The following LUZP2 variants were observed in gnomAD, a reference collection of about 807,000 sequenced individuals.
The protein encoded by LUZP2 is leucine zipper protein 2.
In LUZP2, 52 loss-of-function variants were observed where a neutral mutation model predicts 51.6. That is an observed-to-expected ratio of 1.01 (90% confidence interval 0.81 to 1.27). LUZP2 has a LOEUF of 1.27. LUZP2 is among the 50% of genes most tolerant of loss of function. The pLI, the probability that LUZP2 is intolerant of heterozygous loss-of-function variation, is 0.00. For missense variants in LUZP2, 436 were observed against 395.4 expected (o/e 1.10, Z -0.87); for synonymous variants, 154 against 137.3 (o/e 1.12, Z -0.85).
At chr11:24,612,027 T>C (rs1199410730) in intron 1 of LUZP2, among the ~76,000 whole-genome samples, 1 of 152,136 alleles carries the variant, frequency 6.6e-6, no homozygotes, top group Non-Finnish European at 1.5e-5. Context: ...TGAAAAAATG[T>C]GAGCAAGAGA....
At chr11:24,940,987 GA>G (rs1854731408) in intron 7 of LUZP2, among the ~76,000 whole-genome samples, 1 of 152,108 alleles carries the variant, frequency 6.6e-6, no homozygotes, top group South Asian at 2.1e-4. Flanking sequence ...GACAGAAATA[GA>G]AAAATAAAGT....
chr11:24,798,612 A>T (rs1240770535), intron 5 of LUZP2, among the ~76,000 whole-genome samples: 1 of 151,328 alleles, frequency 6.6e-6, no homozygotes, highest in Non-Finnish European at 1.5e-5. Flanking sequence ...AGGGACATTT[A>T]GTCTAGAGAT....
chr11:24,731,802 A>G (rs1858723280), intron 2 of LUZP2, among the ~76,000 whole-genome samples: 1 of 151,842 alleles, frequency 6.6e-6, no homozygotes, highest in Non-Finnish European at 1.5e-5. Flanking sequence ...CCTGCAGAGA[A>G]CACAGTAAAA....
At position 24,946,840 on chromosome 11, in the gene LUZP2, T is replaced by C. The variant is rs12577578; in HGVS notation, c.523-29751T>C. Among the ~76,000 whole-genome samples the C allele has an allele frequency of 6.2e-3, 937 of 152,158 alleles. 16 individuals are homozygous for C. The highest frequency in any genetic ancestry group is 0.06 in the East Asian group (310 of 5,186). On this transcript the variant is annotated intron_variant, in intron 7 of 11. Coordinates refer to ENST00000336930, the MANE Select transcript of LUZP2 (RefSeq NM_001009909.4). ...ACTCCAATTTAGCTATTTTTCAATGTCTTCTGTGTGCTATTATTGTCAAAT... is the reference window on the plus strand; with the variant it reads ...ACTCCAATTTAGCTATTTTTCAATGCCTTCTGTGTGCTATTATTGTCAAAT...
intron 9 of LUZP2, among the ~76,000 whole-genome samples, chr11:25,016,069 C>T (rs545239074): frequency 5.9e-5 from 9 of 151,800 alleles, no homozygotes; most frequent in African/African-American, 2.2e-4. Context: ...TACAGGCGCT[C>T]GCCACCACGC....
chr11:24,890,605 A>G lies in LUZP2; in HGVS notation c.397-15386A>G, dbSNP rs574063835. 1.8e-4 allele frequency among the ~76,000 whole-genome samples: 27 copies of G among 152,256 alleles called. 1 individual carries two copies. The South Asian group carries it at 5.2e-3, about 29-fold the overall frequency. ...TGGGGGAGCATTAAAGAGGATCATC[A>G]AAAGTTCTCATACATGAATTCCTAA... On this transcript the variant is annotated intron_variant, in intron 5 of 11. Transcript: ENST00000336930.
chr11:24,679,331 T>C (rs889412888), intron 1 of LUZP2, among the ~76,000 whole-genome samples: 1 of 152,156 alleles, frequency 6.6e-6, no homozygotes, highest in Non-Finnish European at 1.5e-5. Flanking sequence ...ACAATAATAA[T>C]GTAGAGAAGT....
At chr11:24,680,839 C>T (rs1856709140) in intron 1 of LUZP2, among the ~76,000 whole-genome samples, 1 of 152,194 alleles carries the variant, frequency 6.6e-6, no homozygotes. Flanking sequence ...GGATAATCTA[C>T]CTGACTTCAA....
intron 1 of LUZP2, among the ~76,000 whole-genome samples, chr11:24,658,751 G>A (rs1812610815): frequency 6.6e-6 from 1 of 152,094 alleles, no homozygotes; most frequent in African/African-American, 2.4e-5. Context: ...CCATCAAAAA[G>A]TCAATGAAGG....
At chr11:24,604,882 G>C (rs1368278458) in intron 1 of LUZP2, among the ~76,000 whole-genome samples, 3 of 151,768 alleles carry the variant, frequency 2.0e-5, no homozygotes, top group Admixed American at 1.3e-4. Context: ...GGTGTGCTAT[G>C]TCTAATATGC....
chr11:24,774,333 TC>T (rs1450783340), intron 5 of LUZP2, among the ~76,000 whole-genome samples: 1 of 14,734 alleles, frequency 6.8e-5, no homozygotes, highest in African/African-American at 2.6e-4. Flanking sequence ...TTAGTAAACT[TC>T]TCTCTCTCTC....
Position 25,015,803 on chromosome 11 carries a change from T to C in LUZP2, c.765+32510T>C, listed in dbSNP as rs80032423. Among the ~76,000 whole-genome samples the C allele has an allele frequency of 7.8e-3, 1,188 of 152,236 alleles. 34 individuals carry two copies. The East Asian group carries it at 0.099, about 13-fold the overall frequency. On this transcript the variant is annotated intron_variant, in intron 9 of 11. Transcript: ENST00000336930. ...AGTTACTATGATTCTTGTCCAATTG[T>C]TTTTCATTTACTATGTATTTACTTC...
intron 7 of LUZP2, among the ~76,000 whole-genome samples, chr11:24,918,213 T>C (rs985886499): frequency 3.3e-5 from 5 of 152,166 alleles, no homozygotes; most frequent in African/African-American, 1.2e-4. Flanking sequence ...TGAAGTTGCT[T>C]ATCAGCTTAT....
chr11:24,651,336 T>G (rs769331964), intron 1 of LUZP2, among the ~76,000 whole-genome samples: 5 of 152,112 alleles, frequency 3.3e-5, no homozygotes, highest in African/African-American at 9.7e-5. Flanking sequence ...TCTGCTAAAG[T>G]GCCCAGCACA....
At chr11:25,001,338 A>G (rs1565212008) in intron 9 of LUZP2, among the ~76,000 whole-genome samples, 1 of 152,160 alleles carries the variant, frequency 6.6e-6, no homozygotes. Flanking sequence ...GAGTTTCCTT[A>G]TCATTTACTG....
intron 2 of LUZP2, 23 bp from the exon 3 acceptor site, chr11:24,732,095 C>A (rs1285797334): frequency 1.3e-6 from 2 of 1,589,360 alleles, no homozygotes; most frequent in Admixed American, 1.7e-5. Context: ...AATAAAACTT[C>A]ATTTTTCCAC....
intron 5 of LUZP2, among the ~76,000 whole-genome samples, chr11:24,811,879 G>C (rs530856105): frequency 6.6e-6 from 1 of 152,186 alleles, no homozygotes; most frequent in East Asian, 1.9e-4. Context: ...GTTTTCAAAG[G>C]TCAGCGAATG....
intron 1 of LUZP2, among the ~76,000 whole-genome samples, chr11:24,535,040 A>G (rs935419122): frequency 6.6e-6 from 1 of 151,432 alleles, no homozygotes; most frequent in Non-Finnish European, 1.5e-5. Context: ...TTCCCAGTAC[A>G]TATAGAAGTT....
chr11:24,681,263 G>A (rs1565073787), intron 1 of LUZP2, among the ~76,000 whole-genome samples: 1 of 151,834 alleles, frequency 6.6e-6, no homozygotes, highest in Non-Finnish European at 1.5e-5. Flanking sequence ...TTACAGGTGT[G>A]AGCCACCGCG....
Sources: allele counts gnomAD v4.1 joint callset (sites outside exome capture counted in the v4.1 genomes callset), GRCh38; gene constraint gnomAD v4.1.1; transcripts MANE v1.5; gene names NCBI Gene and HGNC (gene_info 2026-07-23, HGNC 2026-07-21).